PPP4R2: variants seen among roughly 807,000 people sequenced by gnomAD.
The protein encoded by PPP4R2 is serine/threonine-protein phosphatase 4 regulatory subunit 2.
In PPP4R2, 13 loss-of-function variants were observed where a neutral mutation model predicts 47.2. The observed-to-expected ratio is 0.28, with a 90% CI of 0.18 to 0.44. The LOEUF is 0.44. Among genes scored for constraint, PPP4R2 ranks in the 20% least tolerant of loss-of-function variants. The probability of loss-of-function intolerance (pLI) is 1.00; values close to 1 mark genes in which losing one functional copy is unlikely to be tolerated. For missense variants in PPP4R2, 421 were observed against 491.2 expected (o/e 0.86, Z 1.35); for synonymous variants, 151 against 163.3 (o/e 0.92, Z 0.57).
At chr3:73,025,020 G>C (rs759684575) in intron 2 of PPP4R2, among the ~76,000 whole-genome samples, 30 of 152,222 alleles carry the variant, frequency 2.0e-4, no homozygotes, top group Non-Finnish European at 4.0e-4. Context: ...TTCCAGTCTT[G>C]GTGTCTTCCA....
intron 5 of PPP4R2, chr3:73,062,023 A>T: frequency 1.6e-6 from 2 of 1,241,470 alleles, no homozygotes; most frequent in South Asian, 3.0e-5. Context: ...TTGCTCATGA[A>T]CGTGAGGTAT....
intron 3 of PPP4R2, among the ~76,000 whole-genome samples, chr3:73,049,121 A>G (rs950178926): frequency 6.6e-6 from 1 of 152,242 alleles, no homozygotes; most frequent in Non-Finnish European, 1.5e-5. Context: ...AAAGGCACTT[A>G]TCCAAGAAAT....
At chr3:73,049,368 G>A (rs566799919) in intron 3 of PPP4R2, among the ~76,000 whole-genome samples, 3 of 152,066 alleles carry the variant, frequency 2.0e-5, no homozygotes, top group African/African-American at 7.2e-5. Flanking sequence ...GCGTTGTCGC[G>A]GACGCCCATA....
At chr3:73,009,386 A>G (rs1352364179) in intron 2 of PPP4R2, among the ~76,000 whole-genome samples, 2 of 152,232 alleles carry the variant, frequency 1.3e-5, no homozygotes, top group African/African-American at 4.8e-5. Context: ...TCTATATTGC[A>G]TGAGAAAGAG....
chr3:73,064,464 C>A (rs187928098), intron 7 of PPP4R2, among the ~76,000 whole-genome samples: 1 of 152,102 alleles, frequency 6.6e-6, no homozygotes, highest in East Asian at 1.9e-4. Context: ...TTTTGTGAGT[C>A]GTTTCTCATT....
chr3:73,022,405 T>G (rs73099312), intron 2 of PPP4R2, among the ~76,000 whole-genome samples: 3 of 152,280 alleles, frequency 2.0e-5, no homozygotes, highest in Non-Finnish European at 4.4e-5. Context: ...AATTATTACT[T>G]TTGTTATGCA....
Position 73,068,373 on chromosome 3 carries a change from T to C in PPP4R2, c.*2651T>C, listed in dbSNP as rs1477000788. On this transcript the variant is annotated 3_prime_UTR_variant, in exon 9 of 9. Transcript: ENST00000356692. ...AGATGGTGATGAGGAAAGTGAGATATATATATATATATGTATTATGTTTCT... is the reference window on the plus strand; with the variant it reads ...AGATGGTGATGAGGAAAGTGAGATACATATATATATATGTATTATGTTTCT... 1 of 152,232 alleles carries C rather than the reference T, an allele frequency of 6.6e-6. No homozygotes were observed. The highest frequency in any genetic ancestry group is 2.1e-4 in the South Asian group (1 of 4,822). The allele number at this position is 152,232 out of a possible 1,614,324, so 9.4% of individuals were successfully genotyped here.
At chr3:73,004,500 G>A (rs112747340) in intron 2 of PPP4R2, among the ~76,000 whole-genome samples, 2,776 of 152,176 alleles carry the variant, frequency 0.018, 87 homozygotes, top group African/African-American at 0.063. Flanking sequence ...CTTTTGCCCC[G>A]GTTGGAGTGC....
chr3:73,062,995 C>A, intron 5 of PPP4R2: 1 of 1,083,792 alleles, frequency 9.2e-7, no homozygotes, highest in Non-Finnish European at 1.4e-6. Flanking sequence ...GCCATTGTGT[C>A]TGAGATCCCA....
At chr3:73,021,233 A>ATT (rs1225973970) in intron 2 of PPP4R2, among the ~76,000 whole-genome samples, 12 of 56,102 alleles carry the variant, frequency 2.1e-4, no homozygotes, top group African/African-American at 6.4e-4. Context: ...TTAAAAAAAA[A>ATT]TTTTTTTTTT....
rs770219449 is a variant in PPP4R2 at position 73,065,625 on chromosome 3, C to G, written c.1157C>G (p.Ser386Cys). The change falls in exon 9 of 9, where the codon TCC becomes TGC. Residue 386 changes from serine (S) to cysteine (C), a missense_variant. By Grantham distance (112) the Ser-to-Cys change is moderately radical. Transcript: ENST00000356692. ...DCRETEELVG[S>C]NSSKTGEILS... ...CGTGAAACAGAAGAATTAGTAGGAT[C>G]CAATTCCAGTAAAACTGGAGAGATT... 3 of 1,613,136 alleles carry G rather than the reference C, an allele frequency of 1.9e-6. No homozygotes were observed. In the Admixed American group the frequency reaches 5.0e-5, roughly 27 times the overall value.
rs1002219843 is a variant in PPP4R2 at position 73,064,102 on chromosome 3, C to G, written c.594C>G (p.Asp198Glu). The G allele has an allele frequency of 1.2e-6, 2 of 1,612,988 alleles. No homozygotes were observed. The highest frequency in any genetic ancestry group is 2.2e-5 in the South Asian group (2 of 90,794). The change falls in exon 7 of 9, where the codon GAC becomes GAG. Residue 198 changes from aspartate (D) to glutamate (E), a missense_variant. Asp to Glu is a conservative substitution (Grantham distance 45). This residue lies in a region of PPP4R2 where 317 missense variants were observed against 287.5 expected (regional missense o/e 1.10). Transcript: ENST00000356692. ...MTTNGLPEST[D>E]SKEANLQQNE... ...CAAATGGGTTGCCTGAGAGCACAGACAGCAAAGAGGCAAATTTGCAGCAAA... is the reference window on the plus strand; with the variant it reads ...CAAATGGGTTGCCTGAGAGCACAGAGAGCAAAGAGGCAAATTTGCAGCAAA...
intron 2 of PPP4R2, among the ~76,000 whole-genome samples, chr3:73,031,020 T>A (rs573627999): frequency 6.6e-6 from 1 of 152,052 alleles, no homozygotes; most frequent in South Asian, 2.1e-4. Flanking sequence ...ATTTTTACAG[T>A]TGAAGCTGGG....
At chr3:73,011,064 C>T (rs1701715851) in intron 2 of PPP4R2, among the ~76,000 whole-genome samples, 1 of 152,172 alleles carries the variant, frequency 6.6e-6, no homozygotes, top group Non-Finnish European at 1.5e-5. Flanking sequence ...GGCATTCTGG[C>T]TCCAAATCCT....
intron 2 of PPP4R2, among the ~76,000 whole-genome samples, chr3:73,026,131 C>CT (rs1172521638): frequency 6.6e-6 from 1 of 152,158 alleles, no homozygotes; most frequent in Non-Finnish European, 1.5e-5. Flanking sequence ...TTCTCCCTTG[C>CT]TCAAGTTAAA....
intron 3 of PPP4R2, among the ~76,000 whole-genome samples, chr3:73,058,360 A>G (rs889374138): frequency 1.3e-5 from 2 of 152,116 alleles, no homozygotes; most frequent in African/African-American, 4.8e-5. Flanking sequence ...AAATACATAT[A>G]TTAAATAACC....
intron 2 of PPP4R2, among the ~76,000 whole-genome samples, chr3:73,023,324 T>C (rs1212874825): frequency 1.3e-5 from 2 of 151,956 alleles, no homozygotes; most frequent in African/African-American, 4.8e-5. Flanking sequence ...GTAGCTCAGA[T>C]TACGGGCATG....
chr3:73,062,469 T>A (rs1027871512), intron 5 of PPP4R2: 1 of 1,612,870 alleles, frequency 6.2e-7, no homozygotes, highest in African/African-American at 1.3e-5. Context: ...AGTATTCTTG[T>A]GTTTCATATT....
chr3:73,051,269 C>T (rs1220237797), intron 3 of PPP4R2, among the ~76,000 whole-genome samples: 2 of 152,140 alleles, frequency 1.3e-5, no homozygotes, highest in African/African-American at 4.8e-5. Context: ...AGCTTATGAA[C>T]ACTTAATTTT....
Sources: gnomAD v4.1 joint callset for allele counts (sites outside exome capture counted in the v4.1 genomes callset) on GRCh38, gnomAD v4.1.1 for gene constraint, gnomAD v4.1.1 regional missense constraint, MANE v1.5 for transcripts, NCBI Gene and HGNC (gene_info 2026-07-23, HGNC 2026-07-21) for gene names.